Variants in SI observed in about 807,000 individuals in gnomAD.
The protein encoded by SI is sucrase-isomaltase, intestinal.
A neutral mutation model predicts 253.3 loss-of-function variants in SI; 235 were observed. The ratio of observed to expected loss-of-function variants is 0.93; its 90% confidence interval spans 0.83 to 1.03. The LOEUF is 1.03. SI is among the 50% of genes least tolerant of loss of function. SI has a pLI of 0.00. For missense variants in SI, 2,442 were observed against 2,211.1 expected, an observed-to-expected ratio of 1.10 and a Z score of -2.09; for synonymous variants, 819 against 712.0, an observed-to-expected ratio of 1.15 and a Z score of -2.39.
chr3:165,070,270 CA>C (rs1714481661), intron 3 of SI, among the ~76,000 whole-genome samples: 1 of 138,452 alleles, frequency 7.2e-6, no homozygotes, highest in African/African-American at 2.6e-5. Flanking sequence ...AATAAATATA[CA>C]TATATGATTA....
intron 28 of SI, among the ~76,000 whole-genome samples, chr3:165,018,709 C>A (rs1719161598): frequency 6.6e-6 from 1 of 150,960 alleles, no homozygotes; most frequent in East Asian, 1.9e-4. Flanking sequence ...TGCAAAATTA[C>A]TAGTGGAAGT....
Position 165,017,677 on chromosome 3 carries a change from T to C in SI, c.3634-4A>G. 1 of 1,611,926 alleles carries C rather than the reference T, an allele frequency of 6.2e-7. No individual in the cohort carries two copies. Among genetic ancestry groups the C allele is most frequent in the Non-Finnish European group, 8.5e-7 (1 of 1,178,560 alleles). ...GCATGACTGGATGGCCAATTACCTT[T>C]AAAAAAAATTCATGTGTGAACTAAG... On this transcript the variant is annotated splice_region_variant and splice_polypyrimidine_tract_variant and intron_variant, in intron 30 of 47. Transcript: ENST00000264382.
At chr3:165,036,903 G>A (rs1265733087) in intron 21 of SI, among the ~76,000 whole-genome samples, 1 of 151,106 alleles carries the variant, frequency 6.6e-6, no homozygotes, top group Admixed American at 6.6e-5. Context: ...AAGTTTAGTG[G>A]AATCTGTAAG....
At chr3:165,034,013 T>G (rs1266326293) in intron 22 of SI, among the ~76,000 whole-genome samples, 1 of 151,732 alleles carries the variant, frequency 6.6e-6, no homozygotes, top group Non-Finnish European at 1.5e-5. Context: ...AATGTATCTC[T>G]TTAAAGAAAA....
At chr3:165,042,846 C>T (rs1712915292) in intron 17 of SI, among the ~76,000 whole-genome samples, 2 of 152,110 alleles carry the variant, frequency 1.3e-5, no homozygotes, top group South Asian at 4.1e-4. Context: ...GCTGTGAATA[C>T]ATTGCATTTC....
chr3:165,039,287 T>C (rs779080504), intron 19 of SI, among the ~76,000 whole-genome samples, 153 bp from the exon 20 acceptor site: 5 of 152,076 alleles, frequency 3.3e-5, no homozygotes, highest in Non-Finnish European at 5.9e-5. Flanking sequence ...GGCTATTTTA[T>C]TAGCTTTAGA....
At chr3:164,982,870 T>C in intron 46 of SI, 132 bp downstream of exon 46, 1 of 800,140 alleles carries the variant, frequency 1.2e-6, no homozygotes, top group Non-Finnish European at 2.0e-6. Flanking sequence ...AGACAGGTCT[T>C]GAACCCCTGG....
In SI at chr3:164,994,387, A is replaced by G; in HGVS notation, c.4711T>C (p.Trp1571Arg). The G allele has an allele frequency of 6.2e-7, 1 of 1,610,934 alleles. No individual in the cohort carries two copies. The highest frequency in any genetic ancestry group is 8.5e-7 in the Non-Finnish European group (1 of 1,177,732). Residue 1571 changes from tryptophan to arginine, a missense_variant, in exon 41 of 48, where the codon TGG (tryptophan) becomes CGG (arginine). Physicochemically the swap from Trp to Arg is moderately radical, Grantham distance 101. Transcript: ENST00000264382. The stretch of plus-strand genomic sequence containing the variant: ...GACATTTCAGCAAAAGTTTCATTCC[A>G]GGAAGCGGGATCTTGTCTCTGAAAC... Reference protein sequence around the residue: ...ANTRRQDPASWNETFAEMSRN... With the variant: ...ANTRRQDPASRNETFAEMSRN...
intron 33 of SI, 134 bp from the exon 34 acceptor site, chr3:165,013,176 T>A (rs1718850349): frequency 1.4e-6 from 1 of 730,674 alleles, no homozygotes; most frequent in African/African-American, 1.7e-5. Flanking sequence ...TCCCTTCAAA[T>A]CTCATTATTA....
intron 37 of SI, among the ~76,000 whole-genome samples, chr3:164,999,726 C>A (rs1466544327): frequency 1.3e-5 from 2 of 151,592 alleles, no homozygotes; most frequent in African/African-American, 4.8e-5. Flanking sequence ...ATATCTAATG[C>A]AATGCTTGGC....
At chr3:165,067,302 TA>T (rs1346998348) in intron 6 of SI, 37 bp downstream of exon 6, 1 of 1,387,778 alleles carries the variant, frequency 7.2e-7, no homozygotes, top group Non-Finnish European at 1.0e-6. Flanking sequence ...TCTATAATAA[TA>T]GAATAAACTT....
At chr3:165,061,484 C>CA (rs1384143298) in intron 9 of SI, among the ~76,000 whole-genome samples, 7 of 151,866 alleles carry the variant, frequency 4.6e-5, no homozygotes, top group Non-Finnish European at 8.8e-5. Context: ...GATTAAACTG[C>CA]AAAAAACCTT....
At position 165,039,966 on chromosome 3, in the gene SI, T is replaced by C. The variant is rs1358491880; in HGVS notation, c.2165A>G (p.Tyr722Cys). ...TVARPVLHEFYEDTNSWIEDT... is the reference protein window; with the variant it reads ...TVARPVLHEFCEDTNSWIEDT... ...CTCAATCCAGCTGTTCGTATCCTCATAAAACCTAAGAACAATGACAATGTT... is the reference window on the plus strand; with the variant it reads ...CTCAATCCAGCTGTTCGTATCCTCACAAAACCTAAGAACAATGACAATGTT... Residue 722 changes from tyrosine to cysteine, a missense_variant, in exon 19 of 48, where the codon TAT becomes TGT. Physicochemically the swap from Tyr to Cys is radical, Grantham distance 194 (BLOSUM62 -2). Coordinates refer to ENST00000264382, the MANE Select transcript of SI (RefSeq NM_001041.4). 1 of 1,610,754 alleles carries C rather than the reference T, an allele frequency of 6.2e-7. No individual in the cohort carries two copies. Among genetic ancestry groups the C allele is most frequent in the Non-Finnish European group, 8.5e-7 (1 of 1,177,164 alleles).
intron 32 of SI, 108 bp from the exon 33 acceptor site, chr3:165,015,341 C>G: frequency 2.7e-6 from 2 of 751,366 alleles, no homozygotes; most frequent in Non-Finnish European, 4.7e-6. Flanking sequence ...TAATAATGTG[C>G]TCTCACATTA....
chr3:165,004,947 A>G (rs73018896), intron 37 of SI, among the ~76,000 whole-genome samples: 5,443 of 152,138 alleles, frequency 0.036, 315 homozygotes, highest in African/African-American at 0.13. Flanking sequence ...GGTTTCCCCT[A>G]CGCTATTCTT....
rs1448012632 is a variant in SI, at chr3:165,040,988, T to C, written c.2111A>G (p.Tyr704Cys). 1 of 1,612,532 alleles carries C rather than the reference T, an allele frequency of 6.2e-7. No homozygotes were observed. Among genetic ancestry groups the C allele is most frequent in the Admixed American group, 1.7e-5 (1 of 59,942 alleles). The change falls in exon 18 of 48, where the codon TAT (tyrosine) becomes TGT (cysteine). Residue 704 changes from tyrosine to cysteine, a missense_variant. Physicochemically the swap from Tyr to Cys is radical, Grantham distance 194. Coordinates refer to ENST00000264382, the MANE Select transcript of SI (RefSeq NM_001041.4). Reference sequence around the variant, plus strand: ...TGTTTCTCCAAACACATGGGCTTTATAAAACAGAGTGTAGAGGAAGGGTAA... The same window carrying C: ...TGTTTCTCCAAACACATGGGCTTTACAAAACAGAGTGTAGAGGAAGGGTAA... ...TLLPFLYTLF[Y>C]KAHVFGETVA...
intron 16 of SI, among the ~76,000 whole-genome samples, chr3:165,043,383 C>T (rs1357106336): frequency 6.6e-6 from 1 of 151,776 alleles, no homozygotes; most frequent in Non-Finnish European, 1.5e-5. Context: ...CCTTCATTGT[C>T]CCTTTATGCA....
chr3:164,996,501 G>A (rs1438433365), intron 40 of SI, 34 bp downstream of exon 40: 9 of 1,147,222 alleles, frequency 7.8e-6, no homozygotes, highest in Non-Finnish European at 1.1e-5. Flanking sequence ...GCCCAAGTAA[G>A]AAAATACTGA....
Position 165,009,550 on chromosome 3 carries a change from T to G in SI, c.4063-155A>C, listed in dbSNP as rs150673771. ...AATTACATAAATGTGTGTGGTTTCTTCCTCAACACTTCAATAGAGTAAAGA... is the reference window on the plus strand; with the variant it reads ...AATTACATAAATGTGTGTGGTTTCTGCCTCAACACTTCAATAGAGTAAAGA... On this transcript the variant is annotated intron_variant, in intron 34 of 47. Transcript: ENST00000264382. Among the ~76,000 whole-genome samples, 65 of 152,176 alleles carry G rather than the reference T, an allele frequency of 4.3e-4. 1 individual carries two copies. Among genetic ancestry groups the G allele is most frequent in the Non-Finnish European group, 7.8e-4 (53 of 68,028 alleles).
Sources: allele counts gnomAD v4.1 joint callset (sites outside exome capture counted in the v4.1 genomes callset), GRCh38; gene constraint gnomAD v4.1.1; transcripts MANE v1.5; gene names NCBI Gene and HGNC (gene_info 2026-07-23, HGNC 2026-07-21).